Variants in STAM observed in about 807,000 individuals in gnomAD.
The protein encoded by STAM is signal transducing adaptor molecule, also known as signal transducing adapter molecule 1.
A neutral mutation model predicts 63.4 loss-of-function variants in STAM; 16 were observed. The ratio of observed to expected loss-of-function variants is 0.25; its 90% confidence interval spans 0.17 to 0.38. STAM has a LOEUF of 0.38. Among genes scored for constraint, STAM ranks in the 10% least tolerant of loss-of-function variants. The pLI is 1.00. For synonymous variants in STAM, 238 were observed against 223.9 expected (o/e 1.06, Z -0.56); for missense variants, 636 against 657.1 (o/e 0.97, Z 0.35).
intron 2 of STAM, among the ~76,000 whole-genome samples, chr10:17,682,941 T>C (rs530431291): frequency 6.6e-6 from 1 of 152,370 alleles, no homozygotes; most frequent in South Asian, 2.1e-4. Flanking sequence ...TTTAGAATTA[T>C]GTTTCCTTGG....
chr10:17,656,426 A>T (rs1162543100), intron 1 of STAM, among the ~76,000 whole-genome samples: 1 of 151,984 alleles, frequency 6.6e-6, no homozygotes, highest in South Asian at 2.1e-4. Context: ...ACTTCACTGT[A>T]GGTTGGTCTG....
chr10:17,655,723 C>A (rs1833911051), intron 1 of STAM, among the ~76,000 whole-genome samples: 1 of 152,108 alleles, frequency 6.6e-6, no homozygotes, highest in Admixed American at 6.5e-5. Flanking sequence ...TCAAGACCAA[C>A]CATTACAGAT....
intron 7 of STAM, chr10:17,696,231 AC>A (rs1490981214): frequency 1.3e-5 from 2 of 151,818 alleles, no homozygotes; most frequent in Non-Finnish European, 2.9e-5. Context: ...CCAAAACCTT[AC>A]GTCTGTTCTT....
chr10:17,686,141 T>C (rs1353743352), intron 4 of STAM, among the ~76,000 whole-genome samples: 2 of 152,196 alleles, frequency 1.3e-5, no homozygotes, highest in African/African-American at 4.8e-5. Flanking sequence ...TATTTTCTAC[T>C]AATTAATAAA....
intron 1 of STAM, among the ~76,000 whole-genome samples, chr10:17,659,493 T>G (rs1158782099): frequency 3.2e-5 from 4 of 124,572 alleles, no homozygotes; most frequent in Admixed American, 9.5e-5. Context: ...TTTAAAGAGA[T>G]AGGATCTTGC....
Position 17,644,152 on chromosome 10 carries a change from C to G in STAM, c.-188C>G, listed in dbSNP as rs1554820426. 1.1e-5 allele frequency: 7 copies of G among 638,150 alleles called. No homozygotes were observed. The highest frequency in any genetic ancestry group is 5.2e-5 in the South Asian group (3 of 57,190). The allele number at this position is 638,150 out of a possible 1,614,324, so 39.5% of individuals were successfully genotyped here. ...CTCCGCGCGGGGGCTTCCTCGGCTCCTTGCTGTTGCCGCCGCCGCAGCTGC... is the reference window on the plus strand; with the variant it reads ...CTCCGCGCGGGGGCTTCCTCGGCTCGTTGCTGTTGCCGCCGCCGCAGCTGC... On this transcript the variant is annotated 5_prime_UTR_variant, in exon 1 of 14. Coordinates refer to ENST00000377524, the MANE Select transcript of STAM (RefSeq NM_003473.4).
At chr10:17,649,262 G>C (rs1181464830) in intron 1 of STAM, among the ~76,000 whole-genome samples, 1 of 151,984 alleles carries the variant, frequency 6.6e-6, no homozygotes, top group Non-Finnish European at 1.5e-5. Context: ...AAGTTAGCTG[G>C]CATGGTGGTA....
At chr10:17,697,652 A>G (rs1051336942) in intron 8 of STAM, among the ~76,000 whole-genome samples, 2 of 152,216 alleles carry the variant, frequency 1.3e-5, no homozygotes, top group East Asian at 1.9e-4. Flanking sequence ...TCTACATAAT[A>G]TTGTGCTTTA....
At chr10:17,684,273 C>T (rs988483718) in intron 2 of STAM, among the ~76,000 whole-genome samples, 11 of 152,210 alleles carry the variant, frequency 7.2e-5, no homozygotes, top group African/African-American at 2.4e-4. Context: ...TCAGTACTGC[C>T]TGTGGCCTCA....
At chr10:17,668,380 T>C (rs965330704) in intron 2 of STAM, among the ~76,000 whole-genome samples, 2 of 152,232 alleles carry the variant, frequency 1.3e-5, no homozygotes, top group Non-Finnish European at 2.9e-5. Context: ...TCCCCAATTA[T>C]TCACATATTT....
At chr10:17,679,783 A>G (rs1835006080) in intron 2 of STAM, among the ~76,000 whole-genome samples, 1 of 151,350 alleles carries the variant, frequency 6.6e-6, no homozygotes, top group Admixed American at 6.6e-5. Flanking sequence ...TTCTTTCAAC[A>G]GCTAAGCATA....
chr10:17,657,616 A>G (rs1427847050), intron 1 of STAM, among the ~76,000 whole-genome samples: 1 of 152,200 alleles, frequency 6.6e-6, no homozygotes, highest in Non-Finnish European at 1.5e-5. Flanking sequence ...TTAGAAGATT[A>G]TTAATTATTG....
At chr10:17,712,030 A>G (rs923399531) in intron 13 of STAM, among the ~76,000 whole-genome samples, 1 of 152,246 alleles carries the variant, frequency 6.6e-6, no homozygotes, top group Non-Finnish European at 1.5e-5. Context: ...CAGTGCAGAG[A>G]TAAGAGAAAG....
intron 2 of STAM, among the ~76,000 whole-genome samples, chr10:17,677,999 A>G (rs1426026860): frequency 6.6e-6 from 1 of 152,200 alleles, no homozygotes; most frequent in Admixed American, 6.5e-5. Flanking sequence ...ACATACCATC[A>G]AATTTACCAT....
intron 2 of STAM, among the ~76,000 whole-genome samples, chr10:17,675,675 G>A (rs1453528213): frequency 6.6e-6 from 1 of 152,018 alleles, no homozygotes; most frequent in African/African-American, 2.4e-5. Flanking sequence ...CATGAAGCAG[G>A]GTCAGTCTCT....
intron 1 of STAM, 149 bp from the exon 2 acceptor site, chr10:17,660,315 G>C: frequency 2.0e-6 from 1 of 495,918 alleles, no homozygotes; most frequent in Non-Finnish European, 3.6e-6. Context: ...ATCTTTTCAA[G>C]ATGGCCATGA....
In STAM at chr10:17,695,118, C is replaced by G; in HGVS notation, c.605C>G (p.Ser202Cys). The G allele has an allele frequency of 6.2e-7, 1 of 1,614,074 alleles. No individual in the cohort carries two copies. The highest frequency in any genetic ancestry group is 8.5e-7 in the Non-Finnish European group (1 of 1,179,976). ...TTLSTLYPST[S>C]SLLTNHQHEG... ...CTTTCCACTTTGTATCCAAGCACAT[C>G]CAGTCTCTTAACTAACCACCAACAT... The change falls in exon 7 of 14, where the codon TCC becomes TGC. Residue 202 changes from serine to cysteine, a missense_variant. This residue lies in a region of STAM where 532 missense variants were observed against 536.9 expected (regional missense o/e 0.99). Transcript: ENST00000377524.
At chr10:17,673,106 CTTCT>C (rs1834707180) in intron 2 of STAM, 1 of 872,572 alleles carries the variant, frequency 1.1e-6, no homozygotes, top group Non-Finnish European at 1.4e-6. Context: ...TTGGTAGACT[CTTCT>C]AAGTGCACGT....
At chr10:17,656,966 C>T (rs558061373) in intron 1 of STAM, among the ~76,000 whole-genome samples, 349 of 152,252 alleles carry the variant, frequency 2.3e-3, no homozygotes, top group African/African-American at 8.0e-3. Flanking sequence ...TTAGAGTGGG[C>T]GGCCCACATG....
Sources: gnomAD v4.1 joint callset for allele counts (sites outside exome capture counted in the v4.1 genomes callset) on GRCh38, gnomAD v4.1.1 for gene constraint, gnomAD v4.1.1 regional missense constraint, MANE v1.5 for transcripts, NCBI Gene and HGNC (gene_info 2026-07-23, HGNC 2026-07-21) for gene names.